The following SLC7A1 variants were observed in gnomAD, a reference collection of about 807,000 sequenced individuals.
SLC7A1 encodes solute carrier family 7 member 1, also known as high affinity cationic amino acid transporter 1.
Under a neutral mutation model 53.9 loss-of-function variants are expected in SLC7A1, and 10 were observed. The observed-to-expected ratio is 0.19, with a 90% CI of 0.11 to 0.31. SLC7A1 has a LOEUF of 0.31. SLC7A1 is among the 10% of genes least tolerant of loss of function. The probability of loss-of-function intolerance (pLI) is 1.00; values close to 1 mark genes in which losing one functional copy is unlikely to be tolerated. For synonymous variants in SLC7A1, 342 were observed against 338.7 expected (o/e 1.01, Z -0.11); for missense variants, 525 against 827.2 (o/e 0.63, Z 4.48).
intron 9 of SLC7A1, 119 bp downstream of exon 9, chr13:29,519,328 C>T (rs1016868668): frequency 8.2e-6 from 5 of 612,172 alleles, no homozygotes; most frequent in Non-Finnish European, 1.2e-5. Context: ...TTGGCAGCTC[C>T]CAATGGAGCT....
At chr13:29,515,810 G>C (rs1359447056) in intron 12 of SLC7A1, among the ~76,000 whole-genome samples, 1 of 152,244 alleles carries the variant, frequency 6.6e-6, no homozygotes, top group African/African-American at 2.4e-5. Context: ...GTACCAATTT[G>C]GTGCTGGGCA....
intron 1 of SLC7A1, among the ~76,000 whole-genome samples, chr13:29,580,421 C>A (rs1165157014): frequency 2.6e-5 from 4 of 152,072 alleles, no homozygotes; most frequent in Non-Finnish European, 5.9e-5. Context: ...TTCATAACTG[C>A]CTCCCCGTTT....
intron 1 of SLC7A1, among the ~76,000 whole-genome samples, chr13:29,563,572 G>A (rs528985519): frequency 3.3e-5 from 5 of 152,300 alleles, no homozygotes; most frequent in African/African-American, 1.2e-4. Flanking sequence ...CGTAGGAGAC[G>A]AAGACAAGTT....
In SLC7A1 at chr13:29,510,086, C is replaced by A. The variant is rs1342788642; in HGVS notation, c.*4394G>T. On this transcript the variant is annotated 3_prime_UTR_variant, in exon 13 of 13. Transcript: ENST00000380752. Reference sequence around the variant, plus strand: ...ACCCTGCTGGACACACTAATAAATACCCTGAGAAAATCTTCTCTTTAAGCT... The same window carrying A: ...ACCCTGCTGGACACACTAATAAATAACCTGAGAAAATCTTCTCTTTAAGCT... 6.6e-6 allele frequency: 1 copy of A among 152,596 alleles called. No individual in the cohort carries two copies. The highest frequency in any genetic ancestry group is 6.5e-5 in the Admixed American group (1 of 15,276). The allele number at this position is 152,596 out of a possible 1,614,324, so 9.5% of individuals were successfully genotyped here.
intron 1 of SLC7A1, among the ~76,000 whole-genome samples, chr13:29,556,257 T>A (rs1190935534): frequency 1.3e-5 from 2 of 151,402 alleles, no homozygotes; most frequent in African/African-American, 4.9e-5. Context: ...TCTCACTGAT[T>A]TTTTTTTTGT....
At chr13:29,538,116 G>A (rs1043526664) in intron 2 of SLC7A1, among the ~76,000 whole-genome samples, 1 of 152,124 alleles carries the variant, frequency 6.6e-6, no homozygotes, top group African/African-American at 2.4e-5. Flanking sequence ...AGCTAGAATG[G>A]GGAATAAAAA....
At chr13:29,567,838 C>CT (rs112376344) in intron 1 of SLC7A1, among the ~76,000 whole-genome samples, 18,695 of 149,050 alleles carry the variant, frequency 0.13, 1,381 homozygotes, top group African/African-American at 0.2. Context: ...GTCTTGGCCT[C>CT]TTTTTTTTTT....
At position 29,511,946 on chromosome 13, in the gene SLC7A1, G is replaced by T. The variant is rs768945270; in HGVS notation, c.*2534C>A. On this transcript the variant is annotated 3_prime_UTR_variant, in exon 13 of 13. Transcript: ENST00000380752. ...TAAGAATATTCTTGTTTGGGCAAGG[G>T]AACTAAGAGATGTGAAACTATCATT... The T allele has an allele frequency of 6.6e-6, 1 of 150,520 alleles. No homozygotes were observed. The highest frequency in any genetic ancestry group is 1.5e-5 in the Non-Finnish European group (1 of 67,898). The allele number at this position is 150,520 out of a possible 1,614,324, so 9.3% of individuals were successfully genotyped here.
intron 2 of SLC7A1, among the ~76,000 whole-genome samples, chr13:29,542,548 T>C (rs750447462): frequency 6.6e-6 from 1 of 151,980 alleles, no homozygotes; most frequent in Non-Finnish European, 1.5e-5. Context: ...CTGGGCACTG[T>C]GGTATGCATC....
chr13:29,590,223 G>C (rs527740108), intron 1 of SLC7A1, among the ~76,000 whole-genome samples: 4 of 152,168 alleles, frequency 2.6e-5, no homozygotes, highest in Admixed American at 6.5e-5. Flanking sequence ...ACCCAAGCAC[G>C]GGATGAGTGA....
rs376156230 is a variant in SLC7A1, at chr13:29,514,471, G to A, written c.*9C>T. 2 of 1,602,970 alleles carry A rather than the reference G, an allele frequency of 1.2e-6. No individual in the cohort carries two copies. Among genetic ancestry groups the A allele is most frequent in the Non-Finnish European group, 1.7e-6 (2 of 1,176,332 alleles). The stretch of plus-strand genomic sequence containing the variant: ...GGCTGCTGCCACCTCCGGGGGGCGG[G>A]GCTGTGCGTCACTTGCACTGGTCCA... On this transcript the variant is annotated 3_prime_UTR_variant, in exon 13 of 13. Transcript: ENST00000380752.
chr13:29,547,621 C>G (rs1003671429), intron 2 of SLC7A1, among the ~76,000 whole-genome samples: 1 of 152,062 alleles, frequency 6.6e-6, no homozygotes, highest in Non-Finnish European at 1.5e-5. Context: ...TTCCATATTT[C>G]GACAATTTTT....
intron 1 of SLC7A1, among the ~76,000 whole-genome samples, chr13:29,574,043 G>A (rs896419552): frequency 6.6e-6 from 1 of 152,250 alleles, no homozygotes; most frequent in Non-Finnish European, 1.5e-5. Flanking sequence ...AGAATCTGTA[G>A]AAAGGAATGG....
In SLC7A1 at chr13:29,575,354, AAAG is replaced by A. The variant is rs1028873536; in HGVS notation, c.-115+20059_-115+20061del. ...AAAACAGTAAACTCAAACAACAAAAAAAGAAGAAGACATAGTTTTAAAAGCCGA... is the reference window on the plus strand; with the variant it reads ...AAAACAGTAAACTCAAACAACAAAAAAAGAAGACATAGTTTTAAAAGCCGA... On this transcript the variant is annotated intron_variant, in intron 1 of 12. Coordinates refer to ENST00000380752, the MANE Select transcript of SLC7A1 (RefSeq NM_003045.5). Among the ~76,000 whole-genome samples, 9 of 152,358 alleles carry A rather than the reference AAAG, an allele frequency of 5.9e-5. No individual in the cohort carries two copies. The East Asian group carries it at 1.3e-3, about 23-fold the overall frequency.
intron 8 of SLC7A1, 93 bp downstream of exon 8, chr13:29,522,224 T>A: frequency 7.9e-7 from 1 of 1,259,760 alleles, no homozygotes. Flanking sequence ...CAGTTAAGAT[T>A]ACTCACAGAC....
rs371608247 is a variant in SLC7A1 at position 29,517,529 on chromosome 13, T to C, written c.1510+44A>G. 85 of 1,499,108 alleles carry C rather than the reference T, an allele frequency of 5.7e-5. No individual in the cohort carries two copies. In the Admixed American group the frequency reaches 7.4e-4, roughly 13 times the overall value. 92.9% of individuals were successfully genotyped at this position (1,499,108 alleles called of 1,614,324 possible). A position where few individuals can be genotyped will look rare whatever the true frequency, so the allele number is the denominator to read the frequency against. On this transcript the variant is annotated intron_variant, in intron 10 of 12. Coordinates refer to ENST00000380752, the MANE Select transcript of SLC7A1 (RefSeq NM_003045.5). ...CTCCAGCTCCACTGCCTAGAAACCA[T>C]GCAATGCCAACAAGCAAGGCCCCAG... is the stretch of plus-strand genomic sequence containing the variant.
At chr13:29,516,391 A>G in intron 11 of SLC7A1, 145 bp from the exon 12 acceptor site, 1 of 603,620 alleles carries the variant, frequency 1.7e-6, no homozygotes, top group Non-Finnish European at 3.0e-6. Flanking sequence ...GCCCACCCCC[A>G]CTCCCACACC....
At chr13:29,533,570 T>G (rs1409740241) in intron 3 of SLC7A1, among the ~76,000 whole-genome samples, 1 of 152,194 alleles carries the variant, frequency 6.6e-6, no homozygotes, top group East Asian at 1.9e-4. Flanking sequence ...CATCTCAGTG[T>G]TGGCATCAGC....
chr13:29,579,586 C>T lies in SLC7A1; in HGVS notation c.-115+15830G>A, dbSNP rs190095288. Among the ~76,000 whole-genome samples the T allele has an allele frequency of 3.9e-5, 6 of 152,276 alleles. No individual in the cohort carries two copies. In the East Asian group the frequency reaches 1.2e-3, roughly 29 times the overall value. ...CCATATTGGCCAGGCTAGTCTCAAA[C>T]TCCTGACCTCAGGTGATCCACCCGC... is the stretch of plus-strand genomic sequence containing the variant. On this transcript the variant is annotated intron_variant, in intron 1 of 12. Coordinates refer to ENST00000380752, the MANE Select transcript of SLC7A1 (RefSeq NM_003045.5).
Sources: allele counts gnomAD v4.1 joint callset (sites outside exome capture counted in the v4.1 genomes callset), GRCh38; gene constraint gnomAD v4.1.1; transcripts MANE v1.5; gene names NCBI Gene and HGNC (gene_info 2026-07-23, HGNC 2026-07-21).